The following VKORC1L1 variants were observed in gnomAD, a reference collection of about 807,000 sequenced individuals.
VKORC1L1 encodes vitamin K epoxide reductase complex subunit 1-like protein 1.
In VKORC1L1, 2 loss-of-function variants were observed where a neutral mutation model predicts 18.9. The ratio of observed to expected loss-of-function variants is 0.11; its 90% CI spans 0.04 to 0.33. VKORC1L1 has a LOEUF of 0.33. Ranked by LOEUF, VKORC1L1 falls within the 10% of genes least tolerant of loss-of-function variation. The probability of loss-of-function intolerance (pLI) is 1.00; values close to 1 mark genes in which losing one functional copy is unlikely to be tolerated. For missense variants in VKORC1L1, 123 were observed against 224.1 expected, an observed-to-expected ratio of 0.55 and a Z score of 2.88; for synonymous variants, 96 against 100.0, an observed-to-expected ratio of 0.96 and a Z score of 0.24.
chr7:65,888,219 T>G (rs568955879), intron 1 of VKORC1L1, among the ~76,000 whole-genome samples: 1 of 152,306 alleles, frequency 6.6e-6, no homozygotes, highest in South Asian at 2.1e-4. Flanking sequence ...GTCACTGTTT[T>G]CAAGTCTATA....
intron 1 of VKORC1L1, among the ~76,000 whole-genome samples, chr7:65,921,359 C>T (rs921053957): frequency 6.6e-6 from 1 of 152,066 alleles, no homozygotes; most frequent in East Asian, 1.9e-4. Context: ...TATTCCATTT[C>T]CCCCCACTGT....
chr7:65,867,467 A>G, the VKORC1L1 span, among the ~76,000 whole-genome samples: 2 of 150,886 alleles, frequency 1.3e-5, no homozygotes, highest in South Asian at 4.2e-4. Context: ...TTTTTTTTTC[A>G]TGGTTCTGGG....
intron 1 of VKORC1L1, among the ~76,000 whole-genome samples, chr7:65,928,871 GT>G (rs1789810064): frequency 6.6e-6 from 1 of 152,152 alleles, no homozygotes; most frequent in Admixed American, 6.5e-5. Flanking sequence ...GAGAGTTTCA[GT>G]TGCTCCACAT....
At chr7:65,932,036 T>C (rs1292350780) in intron 1 of VKORC1L1, among the ~76,000 whole-genome samples, 2 of 152,204 alleles carry the variant, frequency 1.3e-5, no homozygotes, top group Non-Finnish European at 2.9e-5. Context: ...TAATTTCTGC[T>C]CTAAGTTTTG....
chr7:65,898,950 G>T (rs1426293579), intron 1 of VKORC1L1, among the ~76,000 whole-genome samples: 1 of 152,076 alleles, frequency 6.6e-6, no homozygotes, highest in Non-Finnish European at 1.5e-5. Flanking sequence ...GTTTCACTTA[G>T]CACAATGTTC....
chr7:65,880,967 C>T (rs915098456), intron 1 of VKORC1L1, among the ~76,000 whole-genome samples: 2 of 152,156 alleles, frequency 1.3e-5, no homozygotes, highest in African/African-American at 2.4e-5. Flanking sequence ...TGAGCATTTC[C>T]GTTGAGTGTC....
In VKORC1L1 at chr7:65,954,362, G is replaced by A; in HGVS notation, c.*62G>A. 2.0e-6 allele frequency: 3 copies of A among 1,534,196 alleles called. No homozygotes were observed. Among genetic ancestry groups the A allele is most frequent in the Non-Finnish European group, 2.6e-6 (3 of 1,145,850 alleles). ...TTTCCATTCAGTTTATTTTGCAGCA[G>A]GTTTTTATTATTATTATTATTATTA... On this transcript the variant is annotated 3_prime_UTR_variant, in exon 3 of 3. Coordinates refer to ENST00000360768, the MANE Select transcript of VKORC1L1 (RefSeq NM_173517.6).
rs575476175 is a variant in VKORC1L1, at chr7:65,899,956, C to T, written c.194+26391C>T. ...CAGAGGTTGCAGTGACCCAAGATCACGCCATTGCACTCCAGCCAGGACAAC... is the reference window on the plus strand; with the variant it reads ...CAGAGGTTGCAGTGACCCAAGATCATGCCATTGCACTCCAGCCAGGACAAC... On this transcript the variant is annotated intron_variant, in intron 1 of 2. Coordinates refer to ENST00000360768, the MANE Select transcript of VKORC1L1 (RefSeq NM_173517.6). 8.0e-5 allele frequency among the ~76,000 whole-genome samples: 12 copies of T among 150,464 alleles called. No homozygotes were observed. In the South Asian group the frequency reaches 2.3e-3, roughly 29 times the overall value.
chr7:65,890,737 T>C (rs1239229657), intron 1 of VKORC1L1, among the ~76,000 whole-genome samples: 1 of 152,246 alleles, frequency 6.6e-6, no homozygotes, highest in Non-Finnish European at 1.5e-5. Flanking sequence ...TTCCTGTTTA[T>C]CCACCTCTTT....
At chr7:65,910,169 A>T (rs1789480389) in intron 1 of VKORC1L1, among the ~76,000 whole-genome samples, 1 of 152,220 alleles carries the variant, frequency 6.6e-6, no homozygotes, top group Non-Finnish European at 1.5e-5. Flanking sequence ...TTGCAGAAGC[A>T]CTGAGTCTGT....
chr7:65,901,271 A>G (rs879581464), intron 1 of VKORC1L1, among the ~76,000 whole-genome samples: 19 of 152,258 alleles, frequency 1.2e-4, no homozygotes, highest in Admixed American at 3.9e-4. Context: ...CCTAGGCGGG[A>G]GGATGCCTTG....
chr7:65,918,516 T>G (rs1410530036), intron 1 of VKORC1L1, among the ~76,000 whole-genome samples: 1 of 152,208 alleles, frequency 6.6e-6, no homozygotes, highest in Non-Finnish European at 1.5e-5. Flanking sequence ...CTGGGTTGAT[T>G]TAAGAGTCAA....
chr7:65,912,847 C>T (rs891913423), intron 1 of VKORC1L1, among the ~76,000 whole-genome samples: 1 of 152,114 alleles, frequency 6.6e-6, no homozygotes, highest in Non-Finnish European at 1.5e-5. Context: ...TAGATTCAAT[C>T]ATAAAATTAC....
Position 65,954,631 on chromosome 7 carries a change from ATG to A in VKORC1L1, c.*335_*336del, listed in dbSNP as rs1388052918. ...AGCAACCATTGCTAGTAATTCTTTA[ATG>A]TGTATAAATTCAATTTCAGGTATAA... On this transcript the variant is annotated 3_prime_UTR_variant, in exon 3 of 3. Transcript: ENST00000360768. 1 of 357,004 alleles carries A rather than the reference ATG, an allele frequency of 2.8e-6. No individual in the cohort carries two copies. Among genetic ancestry groups the A allele is most frequent in the African/African-American group, 2.1e-5 (1 of 47,788 alleles). 22.1% of individuals were successfully genotyped at this position (357,004 alleles called of 1,614,324 possible).
intron 1 of VKORC1L1, among the ~76,000 whole-genome samples, chr7:65,935,782 C>CT (rs1452585146): frequency 6.6e-6 from 1 of 152,122 alleles, no homozygotes; most frequent in Non-Finnish European, 1.5e-5. Context: ...CTCATGTTAA[C>CT]TGAGTTTTTG....
chr7:65,927,046 G>T (rs754953156), intron 1 of VKORC1L1, among the ~76,000 whole-genome samples: 2 of 152,110 alleles, frequency 1.3e-5, no homozygotes, highest in South Asian at 2.1e-4. Context: ...TTGCACCTTG[G>T]GGGGCTGAGA....
intron 1 of VKORC1L1, among the ~76,000 whole-genome samples, chr7:65,931,350 A>G (rs1237925707): frequency 1.3e-5 from 2 of 152,168 alleles, no homozygotes; most frequent in Non-Finnish European, 2.9e-5. Flanking sequence ...TTGCCAGTGA[A>G]ACCATCTGGA....
At position 65,911,047 on chromosome 7, in the gene VKORC1L1, G is replaced by A. The variant is rs577779051; in HGVS notation, c.194+37482G>A. 1.4e-3 allele frequency among the ~76,000 whole-genome samples: 215 copies of A among 152,128 alleles called. 1 individual carries two copies. Among genetic ancestry groups the A allele is most frequent in the Non-Finnish European group, 4.9e-4 (33 of 68,006 alleles). On this transcript the variant is annotated intron_variant, in intron 1 of 2. Coordinates refer to ENST00000360768, the MANE Select transcript of VKORC1L1 (RefSeq NM_173517.6). ...ATGTTACACTTCACCATTAATTATG[G>A]CTACAATCCTGAACTCAGTATATGA...
intron 1 of VKORC1L1, among the ~76,000 whole-genome samples, chr7:65,894,055 A>G (rs1789150126): frequency 6.6e-6 from 1 of 151,976 alleles, no homozygotes; most frequent in Non-Finnish European, 1.5e-5. Flanking sequence ...CCCAGGTTCA[A>G]GCAATTCTCC....
Sources: gnomAD v4.1 joint callset for allele counts (sites outside exome capture counted in the v4.1 genomes callset) on GRCh38, gnomAD v4.1.1 for gene constraint, MANE v1.5 for transcripts, NCBI Gene and HGNC (gene_info 2026-07-23, HGNC 2026-07-21) for gene names.